Variants in SUGCT observed in about 807,000 individuals in gnomAD.
The protein encoded by SUGCT is succinyl-CoA:glutarate-CoA transferase, also known as succinyl-CoA:glutarate CoA-transferase.
In SUGCT, 41 loss-of-function variants were observed where a neutral mutation model predicts 55.0. The ratio of observed to expected loss-of-function variants is 0.74; its 90% confidence interval spans 0.58 to 0.97. The LOEUF is 0.97. Ranked by LOEUF, SUGCT falls within the 50% of genes least tolerant of loss-of-function variation. The pLI is 0.00. For synonymous variants in SUGCT, 187 were observed against 200.4 expected (o/e 0.93, Z 0.56); for missense variants, 568 against 547.8 (o/e 1.04, Z -0.37).
At chr7:40,164,125 C>CTT (rs1050536681) in intron 1 of SUGCT, among the ~76,000 whole-genome samples, 4 of 146,276 alleles carry the variant, frequency 2.7e-5, no homozygotes, top group Admixed American at 1.4e-4. Flanking sequence ...TGACCCTTGA[C>CTT]TTTTTTTTTT....
In SUGCT at chr7:40,579,640, C is replaced by T. The variant is rs544590968; in HGVS notation, c.1089+83254C>T. ...TAAATGGTGTGGGGGTGTCGTAGCA[C>T]GTGGGTGTCTAGATTCCAGAGGGCT... On this transcript the variant is annotated intron_variant, in intron 12 of 13. Coordinates refer to ENST00000335693, the MANE Select transcript of SUGCT (RefSeq NM_001193313.2). Among the ~76,000 whole-genome samples the T allele has an allele frequency of 1.7e-4, 26 of 152,220 alleles. No individual in the cohort carries two copies. In the East Asian group the frequency reaches 4.2e-3, roughly 25 times the overall value.
chr7:40,737,179 C>A (rs1787205498), intron 12 of SUGCT, among the ~76,000 whole-genome samples: 1 of 152,060 alleles, frequency 6.6e-6, no homozygotes, highest in Non-Finnish European at 1.5e-5. Context: ...ACAGAGTGTC[C>A]TCAAGTTCAC....
In SUGCT at chr7:40,411,764, A is replaced by G. The variant is rs550791522; in HGVS notation, c.817-37523A>G. Among the ~76,000 whole-genome samples, 3 of 152,304 alleles carry G rather than the reference A, an allele frequency of 2.0e-5. No individual in the cohort carries two copies. The East Asian group carries it at 5.8e-4, about 29-fold the overall frequency. On this transcript the variant is annotated intron_variant, in intron 9 of 13. Transcript: ENST00000335693. ...ATTGTACATTTCAAAATAGCTAGAC[A>G]GGATTAATTTGAATGATCCTACCAT...
At chr7:40,316,180 T>G (rs1264654043) in intron 8 of SUGCT, among the ~76,000 whole-genome samples, 1 of 152,178 alleles carries the variant, frequency 6.6e-6, no homozygotes, top group Non-Finnish European at 1.5e-5. Context: ...CTAATTAATT[T>G]TAAAAACTCA....
intron 13 of SUGCT, among the ~76,000 whole-genome samples, chr7:40,826,267 A>G (rs575311736): frequency 6.6e-6 from 1 of 152,352 alleles, no homozygotes; most frequent in South Asian, 2.1e-4. Flanking sequence ...CTGATACACT[A>G]TCTTCAAGTT....
the SUGCT span, among the ~76,000 whole-genome samples, chr7:40,882,685 T>C: frequency 6.6e-6 from 1 of 152,230 alleles, no homozygotes; most frequent in South Asian, 2.1e-4. Flanking sequence ...TTGGCCTTCC[T>C]GAAATTGCAT....
chr7:40,867,432 C>T, the SUGCT span, among the ~76,000 whole-genome samples: 1 of 151,618 alleles, frequency 6.6e-6, no homozygotes, highest in African/African-American at 2.4e-5. Flanking sequence ...TTCTGAAAAA[C>T]GTTAGAACAT....
At chr7:40,185,225 A>C (rs1189498601) in intron 3 of SUGCT, among the ~76,000 whole-genome samples, 1 of 152,132 alleles carries the variant, frequency 6.6e-6, no homozygotes, top group Non-Finnish European at 1.5e-5. Flanking sequence ...CCATATTGCT[A>C]TCTGATTTCA....
chr7:40,499,366 C>T (rs1216967529), intron 12 of SUGCT: 2 of 181,320 alleles, frequency 1.1e-5, no homozygotes, highest in African/African-American at 4.8e-5. Context: ...TTGGAGACAA[C>T]AAAAATTTAC....
chr7:40,871,859 G>A, the SUGCT span, among the ~76,000 whole-genome samples: 1 of 152,120 alleles, frequency 6.6e-6, no homozygotes, highest in African/African-American at 2.4e-5. Flanking sequence ...AAAGGATATG[G>A]AACACAAATA....
intron 13 of SUGCT, among the ~76,000 whole-genome samples, chr7:40,840,373 C>A (rs1793213257): frequency 6.6e-6 from 1 of 151,696 alleles, no homozygotes; most frequent in African/African-American, 2.4e-5. Flanking sequence ...AGAATATGTT[C>A]TCAGACAAGA....
At chr7:40,153,660 A>G (rs1187124895) in intron 1 of SUGCT, 6 of 522,854 alleles carry the variant, frequency 1.1e-5, no homozygotes, top group Non-Finnish European at 1.9e-5. Flanking sequence ...GGCAATACCA[A>G]TAGAGGGGAC....
At chr7:40,568,582 C>T (rs1387505485) in intron 12 of SUGCT, among the ~76,000 whole-genome samples, 1 of 152,164 alleles carries the variant, frequency 6.6e-6, no homozygotes, top group African/African-American at 2.4e-5. Context: ...CCATAGTCGT[C>T]GTTGGTGGTG....
In SUGCT at chr7:40,766,306, G is replaced by A. The variant is rs1423352854; in HGVS notation, c.1153+16809G>A. Among the ~76,000 whole-genome samples, 3 of 152,214 alleles carry A rather than the reference G, an allele frequency of 2.0e-5. No individual in the cohort carries two copies. In the East Asian group the frequency reaches 5.8e-4, roughly 29 times the overall value. Reference sequence around the variant, plus strand: ...GCTCGCTGGAACCTCTGCCTCCCGGGTTCAAGCAATTCTCCCACCTCAGCC... The same window carrying A: ...GCTCGCTGGAACCTCTGCCTCCCGGATTCAAGCAATTCTCCCACCTCAGCC... On this transcript the variant is annotated intron_variant, in intron 13 of 13. Coordinates refer to ENST00000335693, the MANE Select transcript of SUGCT (RefSeq NM_001193313.2).
the SUGCT span, among the ~76,000 whole-genome samples, chr7:40,898,687 A>G: frequency 2.6e-5 from 4 of 151,650 alleles, no homozygotes; most frequent in Non-Finnish European, 5.9e-5. Flanking sequence ...TCGCGCCGCG[A>G]GACTCCGTCT....
chr7:40,380,554 C>T (rs1784819804), intron 9 of SUGCT, among the ~76,000 whole-genome samples: 1 of 152,144 alleles, frequency 6.6e-6, no homozygotes, highest in Non-Finnish European at 1.5e-5. Flanking sequence ...TTGAAGAAGA[C>T]TTCTTTGACT....
At chr7:40,645,653 TGGA>T (rs950639782) in intron 12 of SUGCT, among the ~76,000 whole-genome samples, 3 of 152,132 alleles carry the variant, frequency 2.0e-5, no homozygotes, top group Non-Finnish European at 4.4e-5. Context: ...GGATTCAGAT[TGGA>T]GGAGGCAGAC....
At chr7:40,563,184 C>A (rs1382494166) in intron 12 of SUGCT, among the ~76,000 whole-genome samples, 1 of 152,082 alleles carries the variant, frequency 6.6e-6, no homozygotes, top group Non-Finnish European at 1.5e-5. Flanking sequence ...TTGGAGACTC[C>A]CCTTTTATCT....
At chr7:40,383,510 G>A (rs1443535757) in intron 9 of SUGCT, among the ~76,000 whole-genome samples, 1 of 152,200 alleles carries the variant, frequency 6.6e-6, no homozygotes, top group Non-Finnish European at 1.5e-5. Context: ...AAAGGACTGT[G>A]CTACTTGATG....
Sources: allele counts gnomAD v4.1 joint callset (sites outside exome capture counted in the v4.1 genomes callset), GRCh38; gene constraint gnomAD v4.1.1; transcripts MANE v1.5; gene names NCBI Gene and HGNC (gene_info 2026-07-23, HGNC 2026-07-21).